TOX: variants seen among roughly 807,000 people sequenced by gnomAD.
TOX encodes the protein thymocyte selection-associated high mobility group box protein TOX.
In TOX, 11 loss-of-function variants were observed where a neutral mutation model predicts 53.7. The observed-to-expected ratio is 0.20, with a 90% CI of 0.13 to 0.34. The LOEUF (loss-of-function observed/expected upper bound fraction) is 0.34, where lower values mean the gene tolerates loss of function less well. TOX is among the 10% of genes least tolerant of loss of function. The pLI, the probability that TOX is intolerant of heterozygous loss-of-function variation, is 1.00. For synonymous variants in TOX, 225 were observed against 245.3 expected, an observed-to-expected ratio of 0.92 and a Z score of 0.77; for missense variants, 570 against 664.6, an observed-to-expected ratio of 0.86 and a Z score of 1.56.
chr8:58,908,360 C>A (rs893831543), intron 3 of TOX, among the ~76,000 whole-genome samples: 1 of 152,144 alleles, frequency 6.6e-6, no homozygotes, highest in East Asian at 1.9e-4. Context: ...ACTGTCTGAA[C>A]GCCTTTCCTG....
At chr8:58,959,835 T>C (rs1812771897) in intron 2 of TOX, 108 bp downstream of exon 2, 1 of 1,156,990 alleles carries the variant, frequency 8.6e-7, no homozygotes, top group Admixed American at 1.9e-5. Flanking sequence ...TAAATTATGA[T>C]TATTCCTGAT....
chr8:58,927,030 T>A (rs1563391416), intron 3 of TOX, among the ~76,000 whole-genome samples: 1 of 150,426 alleles, frequency 6.6e-6, no homozygotes. Context: ...GTGATGTAAA[T>A]ATGATCATTG....
At chr8:59,070,764 GA>G (rs1804184666) in intron 1 of TOX, among the ~76,000 whole-genome samples, 1 of 152,154 alleles carries the variant, frequency 6.6e-6, no homozygotes, top group Non-Finnish European at 1.5e-5. Flanking sequence ...TATTTCATCT[GA>G]AATATGTTTC....
rs1349996577 is a variant in TOX at position 58,807,307 on chromosome 8, C to T, written c.*440G>A. On this transcript the variant is annotated 3_prime_UTR_variant, in exon 9 of 9. Transcript: ENST00000361421. The stretch of plus-strand genomic sequence containing the variant: ...GCTACAAAAACATTCACATTTTATA[C>T]TCTAGGAGAGTGTAACATAGATGCT... The T allele has an allele frequency of 6.3e-6, 1 of 159,574 alleles. No homozygotes were observed. The highest frequency in any genetic ancestry group is 1.4e-5 in the Non-Finnish European group (1 of 71,940). The allele number at this position is 159,574 out of a possible 1,614,324, so 9.9% of individuals were successfully genotyped here.
At chr8:58,980,365 G>A (rs1373594408) in intron 1 of TOX, among the ~76,000 whole-genome samples, 1 of 152,062 alleles carries the variant, frequency 6.6e-6, no homozygotes, top group South Asian at 2.1e-4. Flanking sequence ...TCATCGCCCT[G>A]TGGTGGCTAT....
At position 58,941,725 on chromosome 8, in the gene TOX, C is replaced by T. The variant is rs115303044; in HGVS notation, c.169-2181G>A. Reference sequence around the variant, plus strand: ...AACACTGCAAATGCTGAATTGTTGACATCTATCTTTTAAGAAGTTAATTAG... The same window carrying T: ...AACACTGCAAATGCTGAATTGTTGATATCTATCTTTTAAGAAGTTAATTAG... On this transcript the variant is annotated intron_variant, in intron 2 of 8. Transcript: ENST00000361421. Among the ~76,000 whole-genome samples, 103 of 152,162 alleles carry T rather than the reference C, an allele frequency of 6.8e-4. 1 individual carries two copies. The highest frequency in any genetic ancestry group is 2.4e-3 in the African/African-American group (101 of 41,500).
intron 1 of TOX, among the ~76,000 whole-genome samples, chr8:59,013,231 T>C (rs1267439672): frequency 6.6e-6 from 1 of 152,198 alleles, no homozygotes; most frequent in Non-Finnish European, 1.5e-5. Flanking sequence ...ATCCTAGATT[T>C]CAGAGTCTGA....
chr8:58,998,288 A>C (rs1241733209), intron 1 of TOX, among the ~76,000 whole-genome samples: 1 of 151,038 alleles, frequency 6.6e-6, no homozygotes, highest in Non-Finnish European at 1.5e-5. Context: ...CAGGAGTTTG[A>C]GACCAGCCTG....
intron 3 of TOX, among the ~76,000 whole-genome samples, chr8:58,903,426 A>G (rs1054663441): frequency 2.6e-5 from 4 of 152,216 alleles, no homozygotes; most frequent in African/African-American, 7.2e-5. Flanking sequence ...ATTATATCCT[A>G]TTTAAATTCC....
At chr8:59,011,738 A>G (rs1262897021) in intron 1 of TOX, among the ~76,000 whole-genome samples, 1 of 152,076 alleles carries the variant, frequency 6.6e-6, no homozygotes, top group African/African-American at 2.4e-5. Context: ...AATAATAACC[A>G]CCTTTCTTCT....
At chr8:59,116,163 C>A (rs181923673) in intron 1 of TOX, among the ~76,000 whole-genome samples, 2 of 152,066 alleles carry the variant, frequency 1.3e-5, no homozygotes, top group African/African-American at 4.8e-5. Flanking sequence ...TTTAGCACAC[C>A]AACTTTAAAT....
chr8:58,837,027 T>C (rs970851345), intron 5 of TOX, among the ~76,000 whole-genome samples: 2 of 152,192 alleles, frequency 1.3e-5, no homozygotes, highest in Non-Finnish European at 2.9e-5. Context: ...AAATAAATAA[T>C]GCAAAAGTGC....
intron 3 of TOX, among the ~76,000 whole-genome samples, chr8:58,937,690 A>T (rs1388831677): frequency 6.6e-6 from 1 of 152,200 alleles, no homozygotes; most frequent in Admixed American, 6.5e-5. Context: ...GAACTATATA[A>T]TTGAATATCT....
At chr8:59,053,294 T>C (rs1044514068) in intron 1 of TOX, among the ~76,000 whole-genome samples, 1 of 152,054 alleles carries the variant, frequency 6.6e-6, no homozygotes, top group African/African-American at 2.4e-5. Context: ...AATGAGAAAA[T>C]ATTATCTCCC....
intron 1 of TOX, among the ~76,000 whole-genome samples, chr8:59,001,847 T>C (rs1813693893): frequency 6.6e-6 from 1 of 151,896 alleles, no homozygotes; most frequent in African/African-American, 2.4e-5. Context: ...AAAAAATAAG[T>C]AATAAAATAG....
chr8:58,995,529 G>A (rs1335613166), intron 1 of TOX, among the ~76,000 whole-genome samples: 1 of 152,090 alleles, frequency 6.6e-6, no homozygotes, highest in East Asian at 1.9e-4. Context: ...ATCAAATTGA[G>A]CTAATGCATG....
At chr8:58,852,818 T>G (rs1810848294) in intron 3 of TOX, among the ~76,000 whole-genome samples, 1 of 152,166 alleles carries the variant, frequency 6.6e-6, no homozygotes, top group South Asian at 2.1e-4. Flanking sequence ...ATGGTTAAAG[T>G]TACACGTTGG....
rs888068317 is a variant in TOX, at chr8:58,805,514, C to G, written c.*2233G>C. 2.0e-5 allele frequency: 3 copies of G among 152,614 alleles called. No homozygotes were observed. The highest frequency in any genetic ancestry group is 4.4e-5 in the Non-Finnish European group (3 of 68,034). 9.5% of individuals were successfully genotyped at this position (152,614 alleles called of 1,614,324 possible). On this transcript the variant is annotated 3_prime_UTR_variant, in exon 9 of 9. Transcript: ENST00000361421. ...GAATTTCAACACTCTCTACCCTGGT[C>G]GCACAGCTGCTCTAGAAAAGCTGTA...
chr8:58,942,327 G>T (rs965968353), intron 2 of TOX, among the ~76,000 whole-genome samples: 1 of 152,016 alleles, frequency 6.6e-6, no homozygotes, highest in Non-Finnish European at 1.5e-5. Flanking sequence ...TAAGCTACAT[G>T]GTTTATTTTC....
Sources: allele counts gnomAD v4.1 joint callset (sites outside exome capture counted in the v4.1 genomes callset), GRCh38; gene constraint gnomAD v4.1.1; transcripts MANE v1.5; gene names NCBI Gene and HGNC (gene_info 2026-07-23, HGNC 2026-07-21).